The following ASXL2 variants were observed in gnomAD, a reference collection of about 807,000 sequenced individuals.
ASXL2 encodes ASXL transcriptional regulator 2, also known as putative Polycomb group protein ASXL2.
A neutral mutation model predicts 122.0 loss-of-function variants in ASXL2; 23 were observed. That is an observed-to-expected ratio of 0.19 (90% confidence interval 0.14 to 0.27). ASXL2 has a LOEUF of 0.27. Ranked by LOEUF, ASXL2 falls within the 10% of genes least tolerant of loss-of-function variation. The pLI, the probability that ASXL2 is intolerant of heterozygous loss-of-function variation, is 1.00. For missense variants in ASXL2, 1,518 were observed against 1,713.8 expected (o/e 0.89, Z 2.02); for synonymous variants, 650 against 637.0 (o/e 1.02, Z -0.31).
At chr2:25,788,616 C>T (rs557120884) in intron 5 of ASXL2, among the ~76,000 whole-genome samples, 1 of 152,234 alleles carries the variant, frequency 6.6e-6, no homozygotes, top group South Asian at 2.1e-4. Flanking sequence ...TACCATCAGT[C>T]TTTTTAATTT....
rs773457606 is a variant in ASXL2 at position 25,743,301 on chromosome 2, G to A, written c.3036C>T (p.Ser1012=). 2 of 1,613,690 alleles carry A rather than the reference G, an allele frequency of 1.2e-6. No individual in the cohort carries two copies. The highest frequency in any genetic ancestry group is 2.7e-5 in the African/African-American group (2 of 74,848). ...CCAGCTGCTGCTGCGTAGCTGGATG[G>A]GACTGTCTCTCATTAACTTCCTCTC... is the stretch of plus-strand genomic sequence containing the variant. ...STREEVNERQ[S]HPATQQQLGK... Residue 1012 remains serine (S), a synonymous_variant, in exon 13 of 13, where the codon TCC becomes TCT. Transcript: ENST00000435504.
intron 3 of ASXL2, among the ~76,000 whole-genome samples, chr2:25,828,799 C>A (rs1321437808): frequency 1.6e-5 from 2 of 121,680 alleles, no homozygotes; most frequent in South Asian, 5.3e-4. Context: ...CACTCCAGCC[C>A]AGGCAACAGT....
At chr2:25,850,476 T>C (rs2089702005) in intron 1 of ASXL2, among the ~76,000 whole-genome samples, 1 of 152,238 alleles carries the variant, frequency 6.6e-6, no homozygotes, top group Non-Finnish European at 1.5e-5. Flanking sequence ...TTGCATTTCC[T>C]GAAAATTAGA....
chr2:25,774,779 C>G (rs529743887), intron 5 of ASXL2, among the ~76,000 whole-genome samples: 1 of 152,150 alleles, frequency 6.6e-6, no homozygotes, highest in Non-Finnish European at 1.5e-5. Flanking sequence ...TGCCAGTTTT[C>G]CAAAATGTTT....
At chr2:25,862,820 G>A (rs2089854973) in intron 1 of ASXL2, among the ~76,000 whole-genome samples, 1 of 151,534 alleles carries the variant, frequency 6.6e-6, no homozygotes, top group African/African-American at 2.4e-5. Context: ...TGGCTAGGCT[G>A]GTCTTGAACT....
intron 3 of ASXL2, among the ~76,000 whole-genome samples, chr2:25,824,358 T>C (rs923411277): frequency 6.6e-6 from 1 of 152,118 alleles, no homozygotes; most frequent in Non-Finnish European, 1.5e-5. Context: ...GTGCAGGTGG[T>C]ATAAAAGATG....
At chr2:25,876,545 T>C (rs1304169652) in intron 1 of ASXL2, among the ~76,000 whole-genome samples, 2 of 152,170 alleles carry the variant, frequency 1.3e-5, no homozygotes, top group South Asian at 2.1e-4. Context: ...TTAAAGACCC[T>C]AGGAACTTAA....
intron 1 of ASXL2, among the ~76,000 whole-genome samples, chr2:25,871,293 G>C (rs913886334): frequency 2.0e-5 from 3 of 152,204 alleles, no homozygotes; most frequent in African/African-American, 4.8e-5. Context: ...TTTCGTAGAG[G>C]GGGGGAAAAA....
intron 1 of ASXL2, among the ~76,000 whole-genome samples, chr2:25,859,911 C>A (rs956217120): frequency 2.6e-5 from 4 of 152,006 alleles, no homozygotes; most frequent in Admixed American, 2.0e-4. Flanking sequence ...TTTTGCCGGG[C>A]ACAGCGGCTC....
chr2:25,774,332 TATTTAA>T (rs1351424389), intron 5 of ASXL2, among the ~76,000 whole-genome samples: 2 of 152,164 alleles, frequency 1.3e-5, no homozygotes, highest in Non-Finnish European at 2.9e-5. Flanking sequence ...AAGCTTTTTA[TATTTAA>T]ATTTTTTAAA....
intron 2 of ASXL2, among the ~76,000 whole-genome samples, chr2:25,841,454 T>C (rs2089577146): frequency 1.3e-5 from 2 of 152,174 alleles, no homozygotes; most frequent in Non-Finnish European, 1.5e-5. Context: ...GGAAAGATAA[T>C]GTCACTGCCT....
Position 25,744,565 on chromosome 2 carries a change from C to T in ASXL2, c.1861-89G>A, listed in dbSNP as rs2149137718. ...TTCATTAGCCCTCACATTTTAAAAA[C>T]AGATGAACACTACAGTACCTGTGAC... On this transcript the variant is annotated intron_variant, in intron 12 of 12. Transcript: ENST00000435504. The surrounding 1 kb of genome is among the most constrained non-coding windows in gnomAD (Gnocchi z 4.7). The T allele has an allele frequency of 7.3e-7, 1 of 1,377,594 alleles. No individual in the cohort carries two copies. Among genetic ancestry groups the T allele is most frequent in the Middle Eastern group, 1.9e-4 (1 of 5,364 alleles). 85.3% of individuals were successfully genotyped at this position (1,377,594 alleles called of 1,614,324 possible).
chr2:25,743,631 G>A lies in ASXL2; in HGVS notation c.2706C>T (p.Pro902=). Reference sequence around the variant, plus strand: ...CAGGTGCTGTAGTTGCACTGACCTGGGGTACAGGAAGCTTTTCTAAAGTGG... The same window carrying A: ...CAGGTGCTGTAGTTGCACTGACCTGAGGTACAGGAAGCTTTTCTAAAGTGG... ...TTATLEKLPV[P]QVSATTAPAG... The change falls in exon 13 of 13, where the codon CCC becomes CCT. Residue 902 remains proline, a synonymous_variant. Coordinates refer to ENST00000435504, the MANE Select transcript of ASXL2 (RefSeq NM_018263.6). The A allele has an allele frequency of 6.2e-7, 1 of 1,613,990 alleles. No homozygotes were observed. Among genetic ancestry groups the A allele is most frequent in the Non-Finnish European group, 8.5e-7 (1 of 1,179,880 alleles).
Position 25,759,658 on chromosome 2 carries a change from A to C in ASXL2, c.776-13T>G, listed in dbSNP as rs763256164. ...CTTTTCATTTGTCCTACAAAAACAGAGAAGAATCGTTTGGGCCTCCCTCAC... is the reference window on the plus strand; with the variant it reads ...CTTTTCATTTGTCCTACAAAAACAGCGAAGAATCGTTTGGGCCTCCCTCAC... On this transcript the variant is annotated splice_polypyrimidine_tract_variant and intron_variant, in intron 8 of 12. Transcript: ENST00000435504. 6.2e-7 allele frequency: 1 copy of C among 1,602,054 alleles called. No homozygotes were observed. Among genetic ancestry groups the C allele is most frequent in the Non-Finnish European group, 8.5e-7 (1 of 1,171,044 alleles).
At position 25,737,589 on chromosome 2, in the gene ASXL2, T is replaced by A. The variant is rs2087757515; in HGVS notation, c.*4440A>T. ...TCTTCCATACAATCTGTGGGAACCA[T>A]CCCATAGGAGTATAAGGCAGTAACT... On this transcript the variant is annotated 3_prime_UTR_variant, in exon 13 of 13. Coordinates refer to ENST00000435504, the MANE Select transcript of ASXL2 (RefSeq NM_018263.6). 6.6e-6 allele frequency: 1 copy of A among 152,132 alleles called. No individual in the cohort carries two copies. The highest frequency in any genetic ancestry group is 1.5e-5 in the Non-Finnish European group (1 of 68,010). 9.4% of individuals were successfully genotyped at this position (152,132 alleles called of 1,614,324 possible). A position where few individuals can be genotyped will look rare whatever the true frequency, so the allele number is the denominator to read the frequency against.
intron 1 of ASXL2, among the ~76,000 whole-genome samples, chr2:25,852,478 G>A (rs1241009908): frequency 1.3e-5 from 2 of 152,158 alleles, no homozygotes; most frequent in African/African-American, 2.4e-5. Flanking sequence ...TAATCTATAT[G>A]ACTGCTACAT....
intron 12 of ASXL2, among the ~76,000 whole-genome samples, chr2:25,745,456 A>G (rs1272254982): frequency 6.8e-6 from 1 of 148,046 alleles, no homozygotes; most frequent in East Asian, 2.0e-4. Context: ...CTTGTGATAT[A>G]CCTGCCTCGG....
At chr2:25,810,405 A>G (rs2089151046) in intron 3 of ASXL2, 1 of 686,820 alleles carries the variant, frequency 1.5e-6, no homozygotes, top group East Asian at 2.8e-5. Context: ...CACTCTGATC[A>G]GTAGCTTTTT....
intron 9 of ASXL2, among the ~76,000 whole-genome samples, chr2:25,758,533 A>AG (rs2088179586): frequency 6.6e-6 from 1 of 152,178 alleles, no homozygotes; most frequent in Non-Finnish European, 1.5e-5. Flanking sequence ...GAAGATCAGA[A>AG]GGGGGAGTGA....
Sources: gnomAD v4.1 joint callset for allele counts (sites outside exome capture counted in the v4.1 genomes callset) on GRCh38, gnomAD v4.1.1 for gene constraint, Gnocchi (gnomAD v3.1) non-coding constraint, MANE v1.5 for transcripts, NCBI Gene and HGNC (gene_info 2026-07-23, HGNC 2026-07-21) for gene names.